The following CRTC1 variants were observed in gnomAD, a reference collection of about 807,000 sequenced individuals.
CRTC1 encodes the protein CREB regulated transcription coactivator 1.
Under a neutral mutation model 66.1 loss-of-function variants are expected in CRTC1, and 18 were observed. The ratio of observed to expected loss-of-function variants is 0.27; its 90% CI spans 0.19 to 0.40. The LOEUF is 0.40. Among genes scored for constraint, CRTC1 ranks in the 10% least tolerant of loss-of-function variants. The probability of loss-of-function intolerance (pLI) is 1.00; values close to 1 mark genes in which losing one functional copy is unlikely to be tolerated. For missense variants in CRTC1, 669 were observed against 887.9 expected, an observed-to-expected ratio of 0.75 and a Z score of 3.13; for synonymous variants, 416 against 398.8, an observed-to-expected ratio of 1.04 and a Z score of -0.51.
At chr19:18,772,295 C>G (rs1452127695) in intron 11 of CRTC1, among the ~76,000 whole-genome samples, 2 of 152,182 alleles carry the variant, frequency 1.3e-5, no homozygotes, top group African/African-American at 2.4e-5. Flanking sequence ...TCAGGTGTGG[C>G]CAGTAGACCC....
intron 8 of CRTC1, among the ~76,000 whole-genome samples, chr19:18,762,554 C>A (rs978155949): frequency 6.6e-6 from 1 of 152,226 alleles, no homozygotes; most frequent in African/African-American, 2.4e-5. Flanking sequence ...GCTCCATCTA[C>A]ATTTCCCATA....
intron 1 of CRTC1, among the ~76,000 whole-genome samples, chr19:18,723,113 G>A (rs2053664624): frequency 6.6e-6 from 1 of 152,012 alleles, no homozygotes; most frequent in Non-Finnish European, 1.5e-5. Flanking sequence ...GCTAATTTTT[G>A]TATTTTTGGT....
chr19:18,728,848 T>A (rs1568503852), intron 1 of CRTC1, among the ~76,000 whole-genome samples: 1 of 138,516 alleles, frequency 7.2e-6, no homozygotes, highest in Non-Finnish European at 1.5e-5. Context: ...AGTCTTGCTC[T>A]GTCGCCCAGG....
chr19:18,702,554 A>G lies in CRTC1; in HGVS notation c.126+18726A>G, dbSNP rs371148432. ...TAGTCTTTTTTTTTTTTTTTTTGAGATGGATTTTCGCTCTTGTTGCTCAGG... is the reference window on the plus strand; with the variant it reads ...TAGTCTTTTTTTTTTTTTTTTTGAGGTGGATTTTCGCTCTTGTTGCTCAGG... On this transcript the variant is annotated intron_variant, in intron 1 of 13. Transcript: ENST00000321949. Among the ~76,000 whole-genome samples, 24 of 112,142 alleles carry G rather than the reference A, an allele frequency of 2.1e-4. No homozygotes were observed. In the East Asian group the frequency reaches 6.4e-3, roughly 30 times the overall value. The allele number at this position is 112,142 out of a possible 152,430, so 73.6% of individuals were successfully genotyped here.
intron 1 of CRTC1, among the ~76,000 whole-genome samples, chr19:18,729,409 G>C (rs1175137610): frequency 6.8e-6 from 1 of 147,168 alleles, no homozygotes; most frequent in Non-Finnish European, 1.5e-5. Context: ...CTGGGCAACA[G>C]AGCGAGACTC....
chr19:18,770,772 A>C (rs1389292032), intron 10 of CRTC1, among the ~76,000 whole-genome samples: 1 of 146,632 alleles, frequency 6.8e-6, no homozygotes, highest in Non-Finnish European at 1.5e-5. Context: ...CACGGTGTGT[A>C]CATTTTGGTG....
chr19:18,753,969 T>TCTA (rs1451835036), intron 6 of CRTC1, among the ~76,000 whole-genome samples: 1 of 151,984 alleles, frequency 6.6e-6, no homozygotes, highest in Non-Finnish European at 1.5e-5. Flanking sequence ...GGTATGGTAG[T>TCTA]GCACGCCTGT....
intron 1 of CRTC1, among the ~76,000 whole-genome samples, chr19:18,699,147 A>G (rs1323588063): frequency 6.6e-6 from 1 of 152,190 alleles, no homozygotes; most frequent in African/African-American, 2.4e-5. Flanking sequence ...CCCTGTGGGC[A>G]GGCCTGTCTC....
intron 10 of CRTC1, among the ~76,000 whole-genome samples, chr19:18,769,610 G>A (rs1010364899): frequency 1.3e-5 from 2 of 152,186 alleles, no homozygotes; most frequent in African/African-American, 2.4e-5. Context: ...GACCACCCAC[G>A]GCCCCTGGGT....
At chr19:18,688,454 T>G (rs545157948) in intron 1 of CRTC1, among the ~76,000 whole-genome samples, 14 of 150,318 alleles carry the variant, frequency 9.3e-5, no homozygotes, top group South Asian at 6.3e-4. Context: ...TTGTTTGTTT[T>G]TTTGAGGAGG....
In CRTC1 at chr19:18,741,083, TG is replaced by T. The variant is rs1198176943; in HGVS notation, c.127-1826del. ...CAGTGTCCACTCCTGGCCCAGGGGC[TG>T]TGCTCCGAAGCCTGAGTGCCTCCAG... On this transcript the variant is annotated intron_variant, in intron 1 of 13. Transcript: ENST00000321949. This position sits in a 1 kb window ranked among gnomAD's most constrained non-coding sequence, Gnocchi z 4.2. Among the ~76,000 whole-genome samples the T allele has an allele frequency of 6.6e-6, 1 of 152,206 alleles. No homozygotes were observed. Among genetic ancestry groups the T allele is most frequent in the Admixed American group, 6.5e-5 (1 of 15,280 alleles).
At position 18,759,947 on chromosome 19, in the gene CRTC1, G is replaced by C. The variant is rs531888076; in HGVS notation, c.666-61G>C. 2.3e-4 allele frequency: 308 copies of C among 1,321,770 alleles called. No individual in the cohort carries two copies. In the African/African-American group the frequency reaches 4.4e-3, roughly 19 times the overall value. The allele number at this position is 1,321,770 out of a possible 1,614,324, so 81.9% of individuals were successfully genotyped here. On this transcript the variant is annotated intron_variant, in intron 7 of 13. Transcript: ENST00000321949. ...GCTGATTTTCTCCCGCCAGCCCCCT[G>C]TCCCCGCCGCCAGCCCCGCCCCATG...
In CRTC1 at chr19:18,747,129, A is replaced by ACCCCCCCCCCCCC. The variant is rs56040769; in HGVS notation, c.443+25_443+26insCCCCCCCCCCCCC. The ACCCCCCCCCCCCC allele has an allele frequency of 2.5e-5, 28 of 1,109,932 alleles. No individual in the cohort carries two copies. Among genetic ancestry groups the ACCCCCCCCCCCCC allele is most frequent in the South Asian group, 7.2e-5 (5 of 69,402 alleles). The allele number at this position is 1,109,932 out of a possible 1,614,324, so 68.8% of individuals were successfully genotyped here. ...AGCTGGAGAAGGTCAGTGGCTGGAC[A>ACCCCCCCCCCCCC]CCCCCCCCCCGCCCCCTTCTTGTTG... On this transcript the variant is annotated intron_variant, in intron 4 of 13. Transcript: ENST00000321949.
At chr19:18,705,930 C>G (rs1452784066) in intron 1 of CRTC1, among the ~76,000 whole-genome samples, 5 of 146,322 alleles carry the variant, frequency 3.4e-5, no homozygotes, top group African/African-American at 1.3e-4. Flanking sequence ...AATGTTTATT[C>G]AAGTCCTGTG....
chr19:18,703,660 G>T (rs540107041), intron 1 of CRTC1, among the ~76,000 whole-genome samples: 1 of 151,740 alleles, frequency 6.6e-6, no homozygotes, highest in East Asian at 1.9e-4. Flanking sequence ...ATGGTGTTTC[G>T]CTGTGTTGAC....
intron 1 of CRTC1, among the ~76,000 whole-genome samples, chr19:18,700,835 G>C (rs2053118932): frequency 1.3e-5 from 2 of 152,224 alleles, no homozygotes; most frequent in Admixed American, 1.3e-4. Context: ...CGGAACCTCG[G>C]AGGGGCTCTC....
At position 18,691,393 on chromosome 19, in the gene CRTC1, G is replaced by A. The variant is rs568429267; in HGVS notation, c.126+7565G>A. On this transcript the variant is annotated intron_variant, in intron 1 of 13. Coordinates refer to ENST00000321949, the MANE Select transcript of CRTC1 (RefSeq NM_015321.3). ...TTTAATTAGCCGGGTGTGGTGGCGT[G>A]CACCTGTAGTCCCAGCCACTTGGGA... Among the ~76,000 whole-genome samples the A allele has an allele frequency of 2.6e-5, 4 of 151,854 alleles. No homozygotes were observed. The South Asian group carries it at 8.3e-4, about 32-fold the overall frequency.
Position 18,768,791 on chromosome 19 carries a change from T to C in CRTC1, c.1318T>C (p.Ser440Pro). 1 of 1,596,620 alleles carries C rather than the reference T, an allele frequency of 6.3e-7. No homozygotes were observed. Among genetic ancestry groups the C allele is most frequent in the East Asian group, 2.3e-5 (1 of 44,124 alleles). ...GQPSMGIDIASAPALQQYRTS... is the reference protein window; with the variant it reads ...GQPSMGIDIAPAPALQQYRTS... ...GCCATCGATGGGGATCGACATCGCCTCGGTAAGCCCAGGGTGGGGTCCCTC... is the reference window on the plus strand; with the variant it reads ...GCCATCGATGGGGATCGACATCGCCCCGGTAAGCCCAGGGTGGGGTCCCTC... The change falls in exon 10 of 14, where the codon TCG (serine) becomes CCG (proline). Residue 440 changes from serine (S) to proline (P), a missense_variant and splice_region_variant. By Grantham distance (74) the Ser-to-Pro change is moderately conservative. Transcript: ENST00000321949. The surrounding 1 kb of genome is among the most constrained non-coding windows in gnomAD (Gnocchi z 5.6).
chr19:18,688,464 G>A (rs565156745), intron 1 of CRTC1, among the ~76,000 whole-genome samples: 1 of 149,188 alleles, frequency 6.7e-6, no homozygotes, highest in South Asian at 2.1e-4. Context: ...TTTTGAGGAG[G>A]AGCCCCCCCT....
Sources: gnomAD v4.1 joint callset for allele counts (sites outside exome capture counted in the v4.1 genomes callset) on GRCh38, gnomAD v4.1.1 for gene constraint, Gnocchi (gnomAD v3.1) non-coding constraint, MANE v1.5 for transcripts, NCBI Gene and HGNC (gene_info 2026-07-23, HGNC 2026-07-21) for gene names.